The following WDR59 variants were observed in gnomAD, a reference collection of about 807,000 sequenced individuals.
WDR59 encodes the protein WD repeat domain 59.
In WDR59, 100 loss-of-function variants were observed where a neutral mutation model predicts 131.2. The ratio of observed to expected loss-of-function variants is 0.76; its 90% CI spans 0.65 to 0.90. The LOEUF (loss-of-function observed/expected upper bound fraction) is 0.90, where lower values mean the gene tolerates loss of function less well. Ranked by LOEUF, WDR59 falls within the 40% of genes least tolerant of loss-of-function variation. WDR59 has a pLI of 0.00. For synonymous variants in WDR59, 601 were observed against 466.2 expected, an observed-to-expected ratio of 1.29 and a Z score of -3.72; for missense variants, 1,203 against 1,262.2, an observed-to-expected ratio of 0.95 and a Z score of 0.71.
At chr16:74,920,166 C>T (rs1472771740) in intron 10 of WDR59, among the ~76,000 whole-genome samples, 1 of 151,934 alleles carries the variant, frequency 6.6e-6, no homozygotes. Context: ...AGATGGTTCC[C>T]AATTTACAAT....
At chr16:74,933,805 G>A (rs55675901) in intron 8 of WDR59, among the ~76,000 whole-genome samples, 1,716 of 152,274 alleles carry the variant, frequency 0.011, 28 homozygotes, top group African/African-American at 0.039. Context: ...GGCTAGTCAC[G>A]AACTTCTGAC....
At chr16:74,934,919 A>G (rs138850317) in intron 8 of WDR59, among the ~76,000 whole-genome samples, 4,861 of 151,946 alleles carry the variant, frequency 0.032, 86 homozygotes, top group Non-Finnish European at 0.042. Flanking sequence ...TCAAAGCTAC[A>G]TGTTTCTCAC....
At chr16:74,975,352 C>CT (rs1228971561) in intron 1 of WDR59, among the ~76,000 whole-genome samples, 2 of 150,160 alleles carry the variant, frequency 1.3e-5, no homozygotes, top group Non-Finnish European at 3.0e-5. Context: ...CAGCAATACT[C>CT]TGTCTCAAAA....
intron 13 of WDR59, among the ~76,000 whole-genome samples, chr16:74,914,388 G>C (rs1284597175): frequency 6.6e-6 from 1 of 152,112 alleles, no homozygotes; most frequent in Non-Finnish European, 1.5e-5. Context: ...ATTAAGCAAA[G>C]AATCCTTTAT....
chr16:74,898,581 T>G (rs982225284), intron 18 of WDR59, among the ~76,000 whole-genome samples: 2 of 152,102 alleles, frequency 1.3e-5, no homozygotes, highest in Non-Finnish European at 2.9e-5. Flanking sequence ...GAGGGAGGCA[T>G]TGGTGCAAAT....
intron 1 of WDR59, among the ~76,000 whole-genome samples, chr16:74,973,258 T>C (rs1050563831): frequency 1.2e-4 from 18 of 149,936 alleles, no homozygotes; most frequent in African/African-American, 4.2e-4. Context: ...CATAAAATTA[T>C]ACATGAACAC....
In WDR59 at chr16:74,909,494, G is replaced by A. The variant is rs1746908540; in HGVS notation, c.1642+7C>T. 5 of 1,546,164 alleles carry A rather than the reference G, an allele frequency of 3.2e-6. No homozygotes were observed. Among genetic ancestry groups the A allele is most frequent in the South Asian group, 1.2e-5 (1 of 80,970 alleles). ...AAATCTAGAATCAAAGAACCAAAGAGACCCACCTGCTCCGCAGAACCTGGC... is the reference window on the plus strand; with the variant it reads ...AAATCTAGAATCAAAGAACCAAAGAAACCCACCTGCTCCGCAGAACCTGGC... On this transcript the variant is annotated splice_region_variant and intron_variant, in intron 16 of 25. Transcript: ENST00000262144.
rs182558543 is a variant in WDR59, at chr16:74,935,630, C to T, written c.651+2520G>A. Among the ~76,000 whole-genome samples the T allele has an allele frequency of 1.4e-3, 214 of 152,096 alleles. 1 individual carries two copies. The highest frequency in any genetic ancestry group is 2.3e-3 in the Non-Finnish European group (153 of 67,962). On this transcript the variant is annotated intron_variant, in intron 8 of 25. Transcript: ENST00000262144. ...TAAAAATGATTATGTAGAAAAATTA[C>T]ACATATTGGTCCTTATCTACTAAAA... is the stretch of plus-strand genomic sequence containing the variant.
intron 1 of WDR59, among the ~76,000 whole-genome samples, chr16:74,973,754 G>A (rs559369741): frequency 6.6e-5 from 10 of 152,192 alleles, no homozygotes; most frequent in Admixed American, 2.0e-4. Flanking sequence ...TAATTAATTC[G>A]GCCAGGCGCA....
chr16:74,968,167 G>A (rs1026763190), intron 1 of WDR59, among the ~76,000 whole-genome samples: 2 of 152,144 alleles, frequency 1.3e-5, no homozygotes, highest in African/African-American at 4.8e-5. Flanking sequence ...AATGGGTACA[G>A]AGCTCCTATT....
At chr16:74,968,593 C>T (rs1485731739) in intron 1 of WDR59, among the ~76,000 whole-genome samples, 1 of 152,078 alleles carries the variant, frequency 6.6e-6, no homozygotes, top group East Asian at 1.9e-4. Flanking sequence ...TGGTGGCATG[C>T]ATCTGCAGTC....
chr16:74,971,696 G>C (rs2033991659), intron 1 of WDR59, among the ~76,000 whole-genome samples: 1 of 151,950 alleles, frequency 6.6e-6, no homozygotes, highest in South Asian at 2.1e-4. Flanking sequence ...GCCTCCCAAA[G>C]TGCAGGGATT....
chr16:74,963,589 G>A (rs1391828243), intron 2 of WDR59, among the ~76,000 whole-genome samples: 1 of 150,926 alleles, frequency 6.6e-6, no homozygotes, highest in African/African-American at 2.4e-5. Flanking sequence ...GGACTTGTTG[G>A]GGGGCCAGGG....
chr16:74,917,220 C>T (rs373718151), intron 11 of WDR59, among the ~76,000 whole-genome samples: 4 of 152,080 alleles, frequency 2.6e-5, no homozygotes, highest in African/African-American at 4.8e-5. Context: ...TATCATTTAT[C>T]GGGAAAAAAT....
At chr16:74,945,876 T>A (rs1278274356) in intron 6 of WDR59, among the ~76,000 whole-genome samples, 1 of 149,474 alleles carries the variant, frequency 6.7e-6, no homozygotes, top group Non-Finnish European at 1.5e-5. Context: ...TAGAGTGCAA[T>A]GGCGTGATCT....
chr16:74,956,588 T>G lies in WDR59; in HGVS notation c.127A>C (p.Asn43His). The G allele has an allele frequency of 1.2e-6, 2 of 1,614,070 alleles. No individual in the cohort carries two copies. Among genetic ancestry groups the G allele is most frequent in the Non-Finnish European group, 1.7e-6 (2 of 1,180,020 alleles). Reference protein sequence around the residue: ...LSGRRFLYIVNLDAPFEGHRK... With the variant: ...LSGRRFLYIVHLDAPFEGHRK... ...TGACCTTCGAAAGGGGCATCTAGATTGACGATGTATAAGAATCTGCGGCTA... is the reference window on the plus strand; with the variant it reads ...TGACCTTCGAAAGGGGCATCTAGATGGACGATGTATAAGAATCTGCGGCTA... Residue 43 changes from asparagine (N) to histidine (H), a missense_variant, in exon 3 of 26, where the codon AAT becomes CAT. Asn to His is a moderately conservative substitution (Grantham distance 68, BLOSUM62 1). Coordinates refer to ENST00000262144, the MANE Select transcript of WDR59 (RefSeq NM_030581.4).
Position 74,956,479 on chromosome 16 carries a change from G to C in WDR59, c.236C>G (p.Ala79Gly). 1 of 1,612,884 alleles carries C rather than the reference G, an allele frequency of 6.2e-7. No homozygotes were observed. Among genetic ancestry groups the C allele is most frequent in the Non-Finnish European group, 8.5e-7 (1 of 1,179,622 alleles). Reference protein sequence around the residue: ...PHDSFAHYFAASSNQRVDLYK... With the variant: ...PHDSFAHYFAGSSNQRVDLYK... ...GTATTCCTTAAATAAGCTCACCGAA[G>C]CCGCAAAATAGTGTGCAAAGCTGTC... is the stretch of plus-strand genomic sequence containing the variant. Residue 79 changes from alanine (A) to glycine (G), a missense_variant, in exon 3 of 26, where the codon GCT (alanine) becomes GGT (glycine). Ala to Gly is a moderately conservative substitution (Grantham distance 60). Transcript: ENST00000262144.
chr16:74,887,408 G>T (rs571663711), intron 23 of WDR59, among the ~76,000 whole-genome samples: 1 of 152,174 alleles, frequency 6.6e-6, no homozygotes, highest in East Asian at 1.9e-4. Context: ...AAAGGATAAG[G>T]GTTAGGTTTT....
At chr16:74,951,383 C>T (rs140586202) in intron 4 of WDR59, 75 bp downstream of exon 4, 17 of 1,390,180 alleles carry the variant, frequency 1.2e-5, no homozygotes, top group Non-Finnish European at 1.6e-5. Flanking sequence ...GCAAGGAGGA[C>T]GGCATCATCA....
Sources: gnomAD v4.1 joint callset for allele counts (sites outside exome capture counted in the v4.1 genomes callset) on GRCh38, gnomAD v4.1.1 for gene constraint, MANE v1.5 for transcripts, NCBI Gene and HGNC (gene_info 2026-07-23, HGNC 2026-07-21) for gene names.